The following JADE1 variants were observed in gnomAD, a reference collection of about 807,000 sequenced individuals.
JADE1 encodes protein Jade-1.
In JADE1, 14 loss-of-function variants were observed where a neutral mutation model predicts 81.8. That is an observed-to-expected ratio of 0.17 (90% CI 0.11 to 0.27). JADE1 has a LOEUF of 0.27. Ranked by LOEUF, JADE1 falls within the 10% of genes least tolerant of loss-of-function variation. The pLI, the probability that JADE1 is intolerant of heterozygous loss-of-function variation, is 1.00. For missense variants in JADE1, 690 were observed against 1,047.9 expected (o/e 0.66, Z 4.71); for synonymous variants, 353 against 391.9 (o/e 0.90, Z 1.17).
chr4:128,873,273 GAAAA>G lies in JADE1; in HGVS notation c.*1015_*1018del, dbSNP rs1553953485. 2.5e-5 allele frequency: 2 copies of G among 78,660 alleles called. No individual in the cohort carries two copies. The highest frequency in any genetic ancestry group is 5.4e-5 in the Non-Finnish European group (2 of 37,292). The allele number at this position is 78,660 out of a possible 1,614,324, so 4.9% of individuals were successfully genotyped here. On this transcript the variant is annotated 3_prime_UTR_variant, in exon 11 of 11. Transcript: ENST00000226319. ...AGAAAAAGGAAAAAAAAAAAAAAAA[GAAAA>G]AAAGAAAAAAAAAAGAAAAAAGAAA...
intron 7 of JADE1, 39 bp from the exon 8 acceptor site, chr4:128,857,299 G>T: frequency 1.3e-6 from 2 of 1,496,922 alleles, no homozygotes; most frequent in South Asian, 2.3e-5. Flanking sequence ...AGCCTTTGAC[G>T]ACCTGAGCCA....
intron 9 of JADE1, chr4:128,865,117 C>T (rs529039398): frequency 1.3e-5 from 2 of 152,344 alleles, no homozygotes; most frequent in African/African-American, 4.8e-5. Flanking sequence ...TGTAGTCACT[C>T]AGTGGAATGG....
intron 1 of JADE1, among the ~76,000 whole-genome samples, chr4:128,830,312 C>G (rs1285163842): frequency 6.6e-6 from 1 of 151,710 alleles, no homozygotes; most frequent in Non-Finnish European, 1.5e-5. Context: ...CGGCTCACTG[C>G]AACCTCCGCC....
In JADE1 at chr4:128,821,989, T is replaced by A. The variant is rs192300951; in HGVS notation, c.-26-9744T>A. On this transcript the variant is annotated intron_variant, in intron 1 of 10. Coordinates refer to ENST00000226319, the MANE Select transcript of JADE1 (RefSeq NM_199320.4). ...ATCAAGCAAATAGGGGATAATAGCA[T>A]TTTATGGCATTATTACCTTTTCTCT... is the stretch of plus-strand genomic sequence containing the variant. Among the ~76,000 whole-genome samples, 181 of 152,358 alleles carry A rather than the reference T, an allele frequency of 1.2e-3. 1 individual carries two copies. Among genetic ancestry groups the A allele is most frequent in the Non-Finnish European group, 2.3e-3 (159 of 68,034 alleles).
intron 9 of JADE1, 89 bp downstream of exon 9, chr4:128,862,314 T>C (rs1731404933): frequency 6.4e-7 from 1 of 1,563,546 alleles, no homozygotes; most frequent in Non-Finnish European, 8.7e-7. Context: ...TGATAGCCAG[T>C]CATATACTCT....
intron 1 of JADE1, among the ~76,000 whole-genome samples, chr4:128,812,563 T>A (rs1726560786): frequency 6.6e-6 from 1 of 151,952 alleles, no homozygotes; most frequent in Non-Finnish European, 1.5e-5. Context: ...GGGTCTCCCC[T>A]CGCCCCAGGA....
chr4:128,864,394 TC>T, intron 9 of JADE1: 2 of 950,392 alleles, frequency 2.1e-6, no homozygotes, highest in Middle Eastern at 5.4e-4. Context: ...GATCTACCTG[TC>T]TTGGCCTCCC....
At chr4:128,819,277 G>GTT (rs66632357) in intron 1 of JADE1, among the ~76,000 whole-genome samples, 1 of 151,290 alleles carries the variant, frequency 6.6e-6, no homozygotes, top group Admixed American at 6.6e-5. Flanking sequence ...TGCAATGGTG[G>GTT]TTTTTTTTTT....
At chr4:128,858,603 ATTT>A (rs201166332) in intron 8 of JADE1, among the ~76,000 whole-genome samples, 2 of 137,248 alleles carry the variant, frequency 1.5e-5, no homozygotes, top group African/African-American at 2.6e-5. Flanking sequence ...TGGTTTTAAA[ATTT>A]TTTTTTTTTT....
Position 128,846,541 on chromosome 4 carries a change from G to A in JADE1, c.296+9G>A. On this transcript the variant is annotated intron_variant, in intron 4 of 10. Coordinates refer to ENST00000226319, the MANE Select transcript of JADE1 (RefSeq NM_199320.4). This position sits in a 1 kb window ranked among gnomAD's most constrained non-coding sequence, Gnocchi z 4.0. ...CCTCAGCCTGTGGCCAGGTAGAGAT[G>A]CCCTGAGGACAGAAGCCTCTCCACC... 1.9e-6 allele frequency: 3 copies of A among 1,613,880 alleles called. No homozygotes were observed. Among genetic ancestry groups the A allele is most frequent in the Non-Finnish European group, 2.5e-6 (3 of 1,179,932 alleles).
intron 1 of JADE1, among the ~76,000 whole-genome samples, chr4:128,814,000 A>G (rs1726752191): frequency 6.6e-6 from 1 of 151,842 alleles, no homozygotes; most frequent in South Asian, 2.1e-4. Flanking sequence ...TTGGCTGCAC[A>G]TATATTTTAG....
At chr4:128,822,594 C>G (rs1727683413) in intron 1 of JADE1, among the ~76,000 whole-genome samples, 1 of 151,908 alleles carries the variant, frequency 6.6e-6, no homozygotes, top group African/African-American at 2.4e-5. Context: ...TGGCACATGC[C>G]TGTAATCCCA....
At chr4:128,810,871 T>C (rs768119696) in intron 1 of JADE1, among the ~76,000 whole-genome samples, 2 of 152,072 alleles carry the variant, frequency 1.3e-5, no homozygotes, top group African/African-American at 2.4e-5. Flanking sequence ...GGGTAGGAGT[T>C]GGCGTTGGTA....
In JADE1 at chr4:128,867,838, T is replaced by G; in HGVS notation, c.1504-18T>G. The G allele has an allele frequency of 6.6e-7, 1 of 1,518,674 alleles. No homozygotes were observed. Among genetic ancestry groups the G allele is most frequent in the Non-Finnish European group, 9.1e-7 (1 of 1,093,984 alleles). The allele number at this position is 1,518,674 out of a possible 1,614,324, so 94.1% of individuals were successfully genotyped here. A position where few individuals can be genotyped will look rare whatever the true frequency, so the allele number is the denominator to read the frequency against. On this transcript the variant is annotated intron_variant, in intron 9 of 10. Coordinates refer to ENST00000226319, the MANE Select transcript of JADE1 (RefSeq NM_199320.4). ...ATACTGTATTGCTTACTTAGAATCT[T>G]TATTCTCTACATTCTAGGTTCGGAA... is the stretch of plus-strand genomic sequence containing the variant.
intron 1 of JADE1, among the ~76,000 whole-genome samples, chr4:128,829,652 T>C (rs1425972891): frequency 6.6e-6 from 1 of 152,160 alleles, no homozygotes; most frequent in Non-Finnish European, 1.5e-5. Context: ...TATTTTTATG[T>C]GCCAGATGTG....
At chr4:128,849,360 G>T (rs1394690238) in intron 5 of JADE1, among the ~76,000 whole-genome samples, 193 bp downstream of exon 5, 1 of 152,166 alleles carries the variant, frequency 6.6e-6, no homozygotes, top group Non-Finnish European at 1.5e-5. Flanking sequence ...GATGGTTTCA[G>T]AGTGGAAGCA....
At chr4:128,838,438 C>T (rs1729154901) in intron 2 of JADE1, among the ~76,000 whole-genome samples, 2 of 152,176 alleles carry the variant, frequency 1.3e-5, no homozygotes, top group Non-Finnish European at 2.9e-5. Context: ...TAACTCCTTT[C>T]CTGAAAGCGA....
chr4:128,860,441 C>A (rs1304733844), intron 8 of JADE1, among the ~76,000 whole-genome samples: 1 of 152,096 alleles, frequency 6.6e-6, no homozygotes, highest in African/African-American at 2.4e-5. Flanking sequence ...AGGGGGAAAG[C>A]CTCAGCTCTA....
Position 128,871,384 on chromosome 4 carries a change from C to T in JADE1, c.1651C>T (p.Leu551=), listed in dbSNP as rs375282369. Residue 551 remains leucine, a synonymous_variant, in exon 11 of 11, where the codon CTG becomes TTG. Transcript: ENST00000226319. The surrounding 1 kb of genome is among the most constrained non-coding windows in gnomAD (Gnocchi z 4.1). ...GVPSSCSSSS[L]ENMLLFNSPS... ...GCCTTCTTCCTGCTCCTCCTCCTCA[C>T]TGGAAAACATGCTTTTGTTTAACAG... 6.2e-7 allele frequency: 1 copy of T among 1,613,702 alleles called. No individual in the cohort carries two copies. Among genetic ancestry groups the T allele is most frequent in the Non-Finnish European group, 8.5e-7 (1 of 1,179,726 alleles).
Sources: allele counts gnomAD v4.1 joint callset (sites outside exome capture counted in the v4.1 genomes callset), GRCh38; gene constraint gnomAD v4.1.1; non-coding constraint Gnocchi (gnomAD v3.1); transcripts MANE v1.5; gene names NCBI Gene and HGNC (gene_info 2026-07-23, HGNC 2026-07-21).